The following FRAS1 variants were observed in gnomAD, a reference collection of about 807,000 sequenced individuals.
FRAS1 encodes the protein extracellular matrix organizing protein FRAS1.
In FRAS1, 290 loss-of-function variants were observed where a neutral mutation model predicts 435.2. The observed-to-expected ratio is 0.67, with a 90% confidence interval of 0.61 to 0.73. FRAS1 has a LOEUF of 0.73. FRAS1 is among the 30% of genes least tolerant of loss of function. FRAS1 has a pLI of 0.00. For missense variants in FRAS1, 4,860 were observed against 5,001.5 expected (o/e 0.97, Z 0.85); for synonymous variants, 1,800 against 1,851.0 (o/e 0.97, Z 0.71).
At chr4:78,439,373 A>G (rs1185884441) in intron 40 of FRAS1, among the ~76,000 whole-genome samples, 2 of 152,352 alleles carry the variant, frequency 1.3e-5, no homozygotes, top group Non-Finnish European at 1.5e-5. Context: ...GGAGTTTACA[A>G]TCTAATATTG....
chr4:78,458,001 T>C (rs1396970209), intron 47 of FRAS1, among the ~76,000 whole-genome samples: 1 of 152,180 alleles, frequency 6.6e-6, no homozygotes, highest in African/African-American at 2.4e-5. Context: ...TGACAGCCCG[T>C]GTGGCTTGGA....
At chr4:78,122,007 T>G (rs1217158785) in intron 2 of FRAS1, among the ~76,000 whole-genome samples, 1 of 152,210 alleles carries the variant, frequency 6.6e-6, no homozygotes, top group Non-Finnish European at 1.5e-5. Flanking sequence ...CTTTAAGTTC[T>G]GGGTTACATG....
chr4:78,361,720 C>T (rs1578273543), intron 20 of FRAS1, among the ~76,000 whole-genome samples: 1 of 152,132 alleles, frequency 6.6e-6, no homozygotes, highest in African/African-American at 2.4e-5. Flanking sequence ...CATGGATTTT[C>T]TAGAAATCAC....
At position 78,063,012 on chromosome 4, in the gene FRAS1, C is replaced by T. The variant is rs1739826289; in HGVS notation, c.77-2973C>T. Among the ~76,000 whole-genome samples, 2 of 152,172 alleles carry T rather than the reference C, an allele frequency of 1.3e-5. 1 individual carries two copies. The highest frequency in any genetic ancestry group is 4.1e-4 in the South Asian group (2 of 4,828). ...CTTTGAGGGAGGCTCATTTCTTCTT[C>T]TAGATCAGCACTCTCTCACAGAATT... On this transcript the variant is annotated intron_variant, in intron 1 of 73. Coordinates refer to ENST00000512123, the MANE Select transcript of FRAS1 (RefSeq NM_025074.7).
chr4:78,393,523 T>G (rs1427064220), intron 29 of FRAS1, among the ~76,000 whole-genome samples: 1 of 152,108 alleles, frequency 6.6e-6, no homozygotes, highest in African/African-American at 2.4e-5. Context: ...ATAAGCAAGA[T>G]CATGTAGTTA....
intron 32 of FRAS1, among the ~76,000 whole-genome samples, chr4:78,413,553 T>C (rs1412615967): frequency 6.6e-6 from 1 of 152,168 alleles, no homozygotes; most frequent in Non-Finnish European, 1.5e-5. Context: ...AAATAGCAGT[T>C]ATCCAAGTGA....
At chr4:78,407,584 A>AGG in intron 30 of FRAS1, 79 bp from the exon 31 acceptor site, 2 of 1,191,662 alleles carry the variant, frequency 1.7e-6, no homozygotes, top group Non-Finnish European at 2.3e-6. Context: ...TTAAAAAAAA[A>AGG]ATGAGTAGTA....
At chr4:78,306,132 G>A (rs546825303) in intron 14 of FRAS1, among the ~76,000 whole-genome samples, 84 of 152,090 alleles carry the variant, frequency 5.5e-4, no homozygotes, top group Non-Finnish European at 6.8e-4. Flanking sequence ...AGGTTAGTTT[G>A]GCTAGATATG....
At chr4:78,211,301 G>A (rs1005351592) in intron 2 of FRAS1, among the ~76,000 whole-genome samples, 8 of 152,108 alleles carry the variant, frequency 5.3e-5, no homozygotes, top group East Asian at 1.9e-4. Context: ...GAAGACAGGC[G>A]CACCTATCTA....
intron 58 of FRAS1, among the ~76,000 whole-genome samples, chr4:78,485,205 G>A (rs967584395): frequency 6.6e-6 from 1 of 152,156 alleles, no homozygotes; most frequent in Non-Finnish European, 1.5e-5. Flanking sequence ...GATTAAATTA[G>A]ATAAAATATG....
At position 78,539,493 on chromosome 4, in the gene FRAS1, GAA is replaced by G. The variant is rs3062747; in HGVS notation, c.11445+68_11445+69del. ...TAAGACCAAGTCTACTTTAAAGCTT[GAA>G]AAAAAAAAAAAAAAGAAGGAGGACT... is the stretch of plus-strand genomic sequence containing the variant. On this transcript the variant is annotated intron_variant, in intron 73 of 73. Transcript: ENST00000512123. The G allele has an allele frequency of 0.22, 215,946 of 959,984 alleles. 6,847 individuals are homozygous for G. The highest frequency in any genetic ancestry group is 0.32 in the African/African-American group (16,547 of 51,998). The allele number at this position is 959,984 out of a possible 1,614,324, so 59.5% of individuals were successfully genotyped here. A position where few individuals can be genotyped will look rare whatever the true frequency, so the allele number is the denominator to read the frequency against.
rs554995505 is a variant in FRAS1 at position 78,058,056 on chromosome 4, A to C, written c.47A>C (p.Glu16Ala). Residue 16 changes from glutamate (E) to alanine (A), a missense_variant, in exon 1 of 74, where the codon GAA (glutamate) becomes GCA (alanine). By Grantham distance (107) the Glu-to-Ala change is moderately radical. Coordinates refer to ENST00000512123, the MANE Select transcript of FRAS1 (RefSeq NM_025074.7). The part of the protein sequence containing the change: ...VWLGLALALA[E>A]FAVLPHHSEG... ...CTCGGGCTGGCCCTAGCGTTGGCGG[A>C]ATTTGCAGTATTGCCTCATCATTCC... 2.4e-5 allele frequency: 38 copies of C among 1,613,514 alleles called. No individual in the cohort carries two copies. Among genetic ancestry groups the C allele is most frequent in the Non-Finnish European group, 3.1e-5 (36 of 1,179,820 alleles).
At position 78,402,614 on chromosome 4, in the gene FRAS1, A is replaced by G. The variant is rs1034381278; in HGVS notation, c.4129+1727A>G. Among the ~76,000 whole-genome samples, 2 of 152,218 alleles carry G rather than the reference A, an allele frequency of 1.3e-5. 1 individual carries two copies. Among genetic ancestry groups the G allele is most frequent in the South Asian group, 4.1e-4 (2 of 4,832 alleles). ...TATCCTCCCCTAATGTTAACGTCTTATAACTATAGAACAATTATTGAAACC... is the reference window on the plus strand; with the variant it reads ...TATCCTCCCCTAATGTTAACGTCTTGTAACTATAGAACAATTATTGAAACC... On this transcript the variant is annotated intron_variant, in intron 30 of 73. Transcript: ENST00000512123.
chr4:78,485,776 T>C (rs1720151390), intron 58 of FRAS1, among the ~76,000 whole-genome samples: 1 of 152,178 alleles, frequency 6.6e-6, no homozygotes, highest in Non-Finnish European at 1.5e-5. Context: ...GTCTGCTCTA[T>C]CCAAGTCCAG....
In FRAS1 at chr4:78,065,091, C is replaced by T. The variant is rs1251964950; in HGVS notation, c.77-894C>T. Among the ~76,000 whole-genome samples the T allele has an allele frequency of 4.8e-4, 50 of 105,176 alleles. No individual in the cohort carries two copies. The East Asian group carries it at 8.8e-3, about 19-fold the overall frequency. 69.0% of individuals were successfully genotyped at this position (105,176 alleles called of 152,430 possible). ...ATATATATATATATATATACATACACACACACACACTAAATACTACATATG... is the reference window on the plus strand; with the variant it reads ...ATATATATATATATATATACATACATACACACACACTAAATACTACATATG... On this transcript the variant is annotated intron_variant, in intron 1 of 73. Transcript: ENST00000512123.
At chr4:78,306,957 C>A (rs904042140) in intron 14 of FRAS1, among the ~76,000 whole-genome samples, 6 of 152,324 alleles carry the variant, frequency 3.9e-5, no homozygotes, top group African/African-American at 1.4e-4. Flanking sequence ...TTTAGAGTTT[C>A]CAGTTTTTCT....
At chr4:78,156,278 T>C (rs545476828) in intron 2 of FRAS1, among the ~76,000 whole-genome samples, 2 of 152,298 alleles carry the variant, frequency 1.3e-5, no homozygotes, top group South Asian at 4.1e-4. Context: ...AAAGCTTTAA[T>C]GTCCATATCT....
intron 20 of FRAS1, among the ~76,000 whole-genome samples, chr4:78,342,189 G>A (rs903236264): frequency 2.6e-5 from 4 of 152,204 alleles, no homozygotes; most frequent in African/African-American, 7.2e-5. Flanking sequence ...ATGTCCAAGC[G>A]CCTCCAGGGT....
chr4:78,368,437 A>T (rs566601550), intron 22 of FRAS1, among the ~76,000 whole-genome samples: 1 of 139,468 alleles, frequency 7.2e-6, no homozygotes, highest in Non-Finnish European at 1.6e-5. Flanking sequence ...TTCCTCTGAC[A>T]CGTACTTAGA....
Sources: allele counts gnomAD v4.1 joint callset (sites outside exome capture counted in the v4.1 genomes callset), GRCh38; gene constraint gnomAD v4.1.1; transcripts MANE v1.5; gene names NCBI Gene and HGNC (gene_info 2026-07-23, HGNC 2026-07-21).